Variants in BDNF observed in about 807,000 individuals in gnomAD.
The protein encoded by BDNF is brain derived neurotrophic factor.
Under a neutral mutation model 19.5 loss-of-function variants are expected in BDNF, and 1 was observed. The observed-to-expected ratio is 0.05, with a 90% CI of 0.02 to 0.24. BDNF has a LOEUF of 0.24. Ranked by LOEUF, BDNF falls within the 10% of genes least tolerant of loss-of-function variation. BDNF has a pLI of 1.00. For missense variants in BDNF, 195 were observed against 317.6 expected (o/e 0.61, Z 2.93); for synonymous variants, 100 against 121.6 (o/e 0.82, Z 1.17).
In BDNF at chr11:27,686,258, C is replaced by T. The variant is rs182280979; in HGVS notation, c.-22+13906G>A. ...GCTTTCCATTTGCTTGGTAGATCTT[C>T]CTCCATCCCTTTATTTTCAGCCTAT... is the stretch of plus-strand genomic sequence containing the variant. On this transcript the variant is annotated intron_variant, in intron 1 of 1. Coordinates refer to ENST00000356660, the MANE Select transcript of BDNF (RefSeq NM_001709.5). 3.9e-3 allele frequency among the ~76,000 whole-genome samples: 591 copies of T among 152,192 alleles called. 6 individuals are homozygous for T. The highest frequency in any genetic ancestry group is 0.014 in the African/African-American group (562 of 41,502).
In BDNF at chr11:27,655,494, C is replaced by T. The variant is rs7124442; in HGVS notation, c.*2327G>A. ...AAGGAAGCTGCATAAAGTTGACATA[C>T]AGCAGATATTCCAAGCATTCCTTAC... is the stretch of plus-strand genomic sequence containing the variant. On this transcript the variant is annotated 3_prime_UTR_variant, in exon 2 of 2. Transcript: ENST00000356660. The T allele has an allele frequency of 0.66, 100,472 of 152,022 alleles. 33,832 individuals are homozygous for T. Among genetic ancestry groups the T allele is most frequent in the East Asian group, 0.92 (4,743 of 5,178 alleles). The allele number at this position is 152,022 out of a possible 1,614,324, so 9.4% of individuals were successfully genotyped here.
chr11:27,708,229 A>G (rs888905303), intron 1 of BDNF, among the ~76,000 whole-genome samples: 5 of 152,236 alleles, frequency 3.3e-5, no homozygotes, highest in African/African-American at 1.2e-4. Context: ...TTCATACTAA[A>G]TACTGATTTG....
Position 27,657,322 on chromosome 11 carries a change from G to A in BDNF, c.*499C>T. On this transcript the variant is annotated 3_prime_UTR_variant, in exon 2 of 2. Transcript: ENST00000356660. The surrounding 1 kb of genome is among the most constrained non-coding windows in gnomAD (Gnocchi z 5.0). ...CTAAGCCAGTAAAGCAATGACAACA[G>A]CACCTTGACATTGTTTTAATTCCAA... The A allele has an allele frequency of 1.0e-6, 1 of 994,336 alleles. No individual in the cohort carries two copies. The highest frequency in any genetic ancestry group is 1.2e-6 in the Non-Finnish European group (1 of 835,164). The allele number at this position is 994,336 out of a possible 1,614,324, so 61.6% of individuals were successfully genotyped here.
rs923575249 is a variant in BDNF, at chr11:27,658,859, G to A, written c.-21-274C>T. 6 of 1,308,786 alleles carry A rather than the reference G, an allele frequency of 4.6e-6. No individual in the cohort carries two copies. The Admixed American group carries it at 2.2e-4, about 49-fold the overall frequency. The allele number at this position is 1,308,786 out of a possible 1,614,324, so 81.1% of individuals were successfully genotyped here. A position where few individuals can be genotyped will look rare whatever the true frequency, so the allele number is the denominator to read the frequency against. ...CTTCTAAGCAAGTGCAAAAATTGTG[G>A]CTTCAAGTTCTCCTTCTTCCCACTT... On this transcript the variant is annotated intron_variant, in intron 1 of 1. Transcript: ENST00000356660. This position sits in a 1 kb window ranked among gnomAD's most constrained non-coding sequence, Gnocchi z 5.7.
At chr11:27,674,040 A>G (rs1452202781) in intron 1 of BDNF, 4 of 1,569,176 alleles carry the variant, frequency 2.5e-6, no homozygotes, top group South Asian at 1.2e-5. Flanking sequence ...AGAGAAGGCT[A>G]TTAGCTCTCT....
At chr11:27,690,268 C>T (rs1379056677) in intron 1 of BDNF, among the ~76,000 whole-genome samples, 1 of 152,126 alleles carries the variant, frequency 6.6e-6, no homozygotes, top group Non-Finnish European at 1.5e-5. Context: ...GAATACAACT[C>T]TCAATGCAAG....
At chr11:27,675,036 C>T (rs1855896206) in intron 1 of BDNF, 2 of 447,934 alleles carry the variant, frequency 4.5e-6, no homozygotes, top group Non-Finnish European at 5.9e-6. Context: ...AGATCACATA[C>T]CCATTATGTG....
At chr11:27,683,248 A>G (rs1261048654) in intron 1 of BDNF, among the ~76,000 whole-genome samples, 3 of 151,868 alleles carry the variant, frequency 2.0e-5, no homozygotes, top group Non-Finnish European at 2.9e-5. Flanking sequence ...CCACTTTTTG[A>G]TGGGGTTGTT....
chr11:27,688,760 A>G (rs564281419), intron 1 of BDNF, among the ~76,000 whole-genome samples: 14 of 152,290 alleles, frequency 9.2e-5, no homozygotes, highest in Admixed American at 2.0e-4. Flanking sequence ...ACCAGTCCCA[A>G]TGAGATGAGC....
At chr11:27,675,122 TATA>T (rs1855909152) in intron 1 of BDNF, among the ~76,000 whole-genome samples, 1 of 152,158 alleles carries the variant, frequency 6.6e-6, no homozygotes, top group African/African-American at 2.4e-5. Flanking sequence ...TGTGGTGTCT[TATA>T]ATGTGAGGGA....
intron 1 of BDNF, among the ~76,000 whole-genome samples, chr11:27,684,035 G>A: frequency 6.6e-6 from 1 of 152,168 alleles, no homozygotes. Flanking sequence ...TCCTATCCAT[G>A]AGAATGGAAT....
At chr11:27,711,320 C>CAA (rs1251560208) in intron 1 of BDNF, among the ~76,000 whole-genome samples, 2 of 152,164 alleles carry the variant, frequency 1.3e-5, no homozygotes, top group African/African-American at 4.8e-5. Flanking sequence ...ATGATCCTAA[C>CAA]AAAACATTGT....
At chr11:27,670,079 G>A (rs1188848201) in intron 1 of BDNF, among the ~76,000 whole-genome samples, 2 of 152,136 alleles carry the variant, frequency 1.3e-5, no homozygotes, top group African/African-American at 4.8e-5. Flanking sequence ...CAATGGAACA[G>A]AACAGAGCCC....
intron 1 of BDNF, among the ~76,000 whole-genome samples, chr11:27,666,625 C>T (rs947727151): frequency 2.0e-5 from 3 of 152,114 alleles, no homozygotes; most frequent in African/African-American, 7.2e-5. Flanking sequence ...AACTATGTGA[C>T]ACATGCACAA....
chr11:27,688,079 G>C (rs887536901), intron 1 of BDNF, among the ~76,000 whole-genome samples: 2 of 152,206 alleles, frequency 1.3e-5, no homozygotes, highest in Non-Finnish European at 2.9e-5. Context: ...GACTGGGGCT[G>C]CTGCCTTTCT....
At chr11:27,700,736 G>T, upstream of BDNF, 1 of 1,187,372 alleles carries the variant, frequency 8.4e-7, no homozygotes, top group Non-Finnish European at 1.1e-6. Flanking sequence ...GGGGCGCCTT[G>T]GACAGGACGC....
intron 1 of BDNF, among the ~76,000 whole-genome samples, chr11:27,693,051 T>C (rs1356695485): frequency 6.6e-6 from 1 of 152,230 alleles, no homozygotes; most frequent in African/African-American, 2.4e-5. Flanking sequence ...ATTGCTCACA[T>C]GCAATGCTTT....
At chr11:27,693,250 A>G (rs1469854666) in intron 1 of BDNF, among the ~76,000 whole-genome samples, 1 of 152,206 alleles carries the variant, frequency 6.6e-6, no homozygotes, top group Non-Finnish European at 1.5e-5. Flanking sequence ...CCAAAATTTC[A>G]GTAGCTATGA....
intron 1 of BDNF, among the ~76,000 whole-genome samples, chr11:27,682,631 T>A (rs1005519430): frequency 4.6e-5 from 7 of 152,108 alleles, no homozygotes; most frequent in Non-Finnish European, 1.0e-4. Flanking sequence ...ACTGTTCAAC[T>A]CCCACTTATG....
Sources: gnomAD v4.1 joint callset for allele counts (sites outside exome capture counted in the v4.1 genomes callset) on GRCh38, gnomAD v4.1.1 for gene constraint, Gnocchi (gnomAD v3.1) non-coding constraint, MANE v1.5 for transcripts, NCBI Gene and HGNC (gene_info 2026-07-23, HGNC 2026-07-21) for gene names.